Variants in TANC1 observed in about 807,000 individuals in gnomAD.
TANC1 encodes the protein tetratricopeptide repeat, ankyrin repeat and coiled-coil containing 1.
A neutral mutation model predicts 149.7 loss-of-function variants in TANC1; 77 were observed. That is an observed-to-expected ratio of 0.51 (90% CI 0.43 to 0.62). The LOEUF (loss-of-function observed/expected upper bound fraction) is 0.62. TANC1 is among the 20% of genes least tolerant of loss of function. TANC1 has a pLI of 0.00. For synonymous variants in TANC1, 854 were observed against 925.0 expected (o/e 0.92, Z 1.39); for missense variants, 1,985 against 2,321.8 (o/e 0.85, Z 2.98).
At chr2:159,022,849 T>C (rs2038937354) in intron 2 of TANC1, among the ~76,000 whole-genome samples, 1 of 152,148 alleles carries the variant, frequency 6.6e-6, no homozygotes, top group Admixed American at 6.5e-5. Context: ...CGACAGACCT[T>C]CCTAAGATCT....
Position 159,174,227 on chromosome 2 carries a change from G to A in TANC1, c.1504-726G>A, listed in dbSNP as rs148698212. ...CAACACTTCAGCGTCTGGCCCTTTC[G>A]TGGGGTCCCTCTCACAAACAGCCTG... On this transcript the variant is annotated intron_variant, in intron 11 of 26. Coordinates refer to ENST00000263635, the MANE Select transcript of TANC1 (RefSeq NM_033394.3). 5.0e-3 allele frequency among the ~76,000 whole-genome samples: 757 copies of A among 152,134 alleles called. 6 individuals are homozygous for A. The highest frequency in any genetic ancestry group is 0.017 in the African/African-American group (699 of 41,494).
In TANC1 at chr2:159,114,356, G is replaced by C. The variant is rs146383020; in HGVS notation, c.259+16522G>C. Reference sequence around the variant, plus strand: ...GGCCAGGTCAAGGAGCTATCCATTAGTTTCTGAGGATGTAATATTTACTAA... The same window carrying C: ...GGCCAGGTCAAGGAGCTATCCATTACTTTCTGAGGATGTAATATTTACTAA... On this transcript the variant is annotated intron_variant, in intron 4 of 26. Transcript: ENST00000263635. 5.3e-3 allele frequency among the ~76,000 whole-genome samples: 813 copies of C among 152,324 alleles called. 2 individuals carry two copies. Among genetic ancestry groups the C allele is most frequent in the African/African-American group, 0.019 (790 of 41,572 alleles).
In TANC1 at chr2:159,170,886, A is replaced by G. The variant is rs1465710381; in HGVS notation, c.1351+81A>G. 3.4e-6 allele frequency: 5 copies of G among 1,487,896 alleles called. No homozygotes were observed. The South Asian group carries it at 3.8e-5, about 11-fold the overall frequency. The allele number at this position is 1,487,896 out of a possible 1,614,324, so 92.2% of individuals were successfully genotyped here. On this transcript the variant is annotated intron_variant, in intron 10 of 26. Coordinates refer to ENST00000263635, the MANE Select transcript of TANC1 (RefSeq NM_033394.3). ...ATTGCTGTTCACATAGACATAAAAT[A>G]CCAATTTTCCTCAAGTTGTTGCAGC...
At chr2:159,225,820 G>T in intron 24 of TANC1, 41 bp downstream of exon 24, 2 of 1,433,924 alleles carry the variant, frequency 1.4e-6, no homozygotes, top group East Asian at 4.6e-5. Flanking sequence ...GAAACTGCCT[G>T]GGAGCACCCT....
At chr2:159,117,154 CAT>C (rs1292698866) in intron 4 of TANC1, among the ~76,000 whole-genome samples, 3 of 152,132 alleles carry the variant, frequency 2.0e-5, no homozygotes, top group African/African-American at 7.2e-5. Flanking sequence ...CTAAATACAA[CAT>C]AGAAAGTAAA....
intron 2 of TANC1, among the ~76,000 whole-genome samples, chr2:159,064,682 A>G (rs2042515754): frequency 6.6e-6 from 1 of 152,210 alleles, no homozygotes; most frequent in Non-Finnish European, 1.5e-5. Flanking sequence ...ATGATAAGAA[A>G]GGTCACCCTG....
intron 5 of TANC1, among the ~76,000 whole-genome samples, chr2:159,144,058 T>G (rs2051768845): frequency 6.6e-6 from 1 of 151,576 alleles, no homozygotes; most frequent in African/African-American, 2.4e-5. Context: ...CCAAAAAGCT[T>G]AAGAACCTAC....
intron 1 of TANC1, among the ~76,000 whole-genome samples, chr2:158,989,043 C>T (rs774229686): frequency 6.6e-6 from 1 of 151,926 alleles, no homozygotes; most frequent in Non-Finnish European, 1.5e-5. Context: ...GAAATGTGGA[C>T]CATAACTGAC....
At chr2:159,110,224 G>T (rs1334656533) in intron 4 of TANC1, among the ~76,000 whole-genome samples, 1 of 152,202 alleles carries the variant, frequency 6.6e-6, no homozygotes, top group African/African-American at 2.4e-5. Context: ...TGAAATGAGT[G>T]ACACAAAGCC....
intron 1 of TANC1, among the ~76,000 whole-genome samples, chr2:158,971,740 C>G (rs999123016): frequency 6.6e-6 from 1 of 152,170 alleles, no homozygotes; most frequent in Non-Finnish European, 1.5e-5. Flanking sequence ...AATTCTGAAG[C>G]CAGTGCTGTA....
At chr2:159,005,519 C>T (rs186093387) in intron 2 of TANC1, among the ~76,000 whole-genome samples, 99 of 152,114 alleles carry the variant, frequency 6.5e-4, no homozygotes, top group African/African-American at 2.1e-3. Flanking sequence ...GCCCAGGAGG[C>T]GGAGATTGCA....
At chr2:159,080,795 CT>C (rs1354500296) in intron 3 of TANC1, among the ~76,000 whole-genome samples, 1 of 152,206 alleles carries the variant, frequency 6.6e-6, no homozygotes, top group African/African-American at 2.4e-5. Context: ...CAGAGCAGCT[CT>C]GTGTACAGCC....
intron 19 of TANC1, among the ~76,000 whole-genome samples, chr2:159,205,379 A>G (rs1232851472): frequency 6.6e-6 from 1 of 152,238 alleles, no homozygotes; most frequent in African/African-American, 2.4e-5. Context: ...AATGTAAAAT[A>G]AATGTCAGGC....
intron 16 of TANC1, among the ~76,000 whole-genome samples, chr2:159,191,853 A>G (rs897510882): frequency 6.6e-6 from 1 of 152,138 alleles, no homozygotes; most frequent in Non-Finnish European, 1.5e-5. Context: ...AATAAATGAT[A>G]GTCTCTGTGG....
chr2:159,146,347 GAA>G (rs1299965681), intron 5 of TANC1, among the ~76,000 whole-genome samples: 2 of 152,166 alleles, frequency 1.3e-5, no homozygotes, highest in Non-Finnish European at 2.9e-5. Flanking sequence ...AGAATAATAT[GAA>G]AAGACAGGTG....
At chr2:158,998,887 G>C (rs892367986) in intron 1 of TANC1, among the ~76,000 whole-genome samples, 1 of 152,102 alleles carries the variant, frequency 6.6e-6, no homozygotes, top group African/African-American at 2.4e-5. Context: ...TAAATAGAGC[G>C]GGAAGAGAGG....
In TANC1 at chr2:159,150,370, T is replaced by G. The variant is rs776670583; in HGVS notation, c.496T>G (p.Cys166Gly). ...ACTCCTCCTTCCATTCATCTTGCAGTGCACAGCTCTGAGTCAAGGCATCAG... is the reference window on the plus strand; with the variant it reads ...ACTCCTCCTTCCATTCATCTTGCAGGGCACAGCTCTGAGTCAAGGCATCAG... ...ITIEDKNETM[C>G]TALSQGISPC... Residue 166 changes from cysteine (C) to glycine (G), a missense_variant and splice_region_variant, in exon 7 of 27, where the codon TGC becomes GGC. This residue lies in a region of TANC1 where 557 missense variants were observed against 612.9 expected (regional missense o/e 0.91). Coordinates refer to ENST00000263635, the MANE Select transcript of TANC1 (RefSeq NM_033394.3). 1 of 1,613,668 alleles carries G rather than the reference T, an allele frequency of 6.2e-7. No individual in the cohort carries two copies. The highest frequency in any genetic ancestry group is 1.3e-5 in the African/African-American group (1 of 74,896).
At chr2:158,977,074 A>G (rs771744270) in intron 1 of TANC1, among the ~76,000 whole-genome samples, 1 of 152,162 alleles carries the variant, frequency 6.6e-6, no homozygotes, top group Non-Finnish European at 1.5e-5. Flanking sequence ...AATTTATAAT[A>G]TGTTAGTATA....
chr2:159,139,863 T>C (rs2150231724), intron 5 of TANC1, among the ~76,000 whole-genome samples: 1 of 152,318 alleles, frequency 6.6e-6, no homozygotes, highest in Admixed American at 6.5e-5. Flanking sequence ...AGTAAATATT[T>C]TGATACCTTA....
Sources: allele counts gnomAD v4.1 joint callset (sites outside exome capture counted in the v4.1 genomes callset), GRCh38; gene constraint gnomAD v4.1.1; regional missense constraint gnomAD v4.1.1; transcripts MANE v1.5; gene names NCBI Gene and HGNC (gene_info 2026-07-23, HGNC 2026-07-21).